MPP7: variants seen among roughly 807,000 people sequenced by gnomAD.
MPP7 encodes the protein MAGUK p55 scaffold protein 7, also known as MAGUK p55 subfamily member 7.
A neutral mutation model predicts 76.5 loss-of-function variants in MPP7; 60 were observed. The observed-to-expected ratio is 0.78, with a 90% CI of 0.64 to 0.97. The LOEUF (loss-of-function observed/expected upper bound fraction) is 0.97. MPP7 is among the 50% of genes least tolerant of loss of function. The probability of loss-of-function intolerance (pLI) is 0.00; values close to 1 mark genes in which losing one functional copy is unlikely to be tolerated. For synonymous variants in MPP7, 237 were observed against 244.5 expected (o/e 0.97, Z 0.29); for missense variants, 641 against 694.0 (o/e 0.92, Z 0.86).
chr10:28,202,066 C>A (rs1588917633), intron 3 of MPP7, 87 bp downstream of exon 3: 1 of 913,112 alleles, frequency 1.1e-6, no homozygotes. Flanking sequence ...CAGAGAGCAA[C>A]AATTTGATCT....
chr10:28,299,443 T>G (rs760114133), intron 1 of MPP7, among the ~76,000 whole-genome samples: 39 of 152,152 alleles, frequency 2.6e-4, no homozygotes, highest in Non-Finnish European at 7.4e-5. Flanking sequence ...CCATATTATA[T>G]AGGTGCAGTT....
intron 12 of MPP7, 110 bp downstream of exon 12, chr10:28,089,561 G>T: frequency 1.0e-6 from 1 of 965,492 alleles, no homozygotes; most frequent in Non-Finnish European, 1.5e-6. Flanking sequence ...AAAAGGTGTT[G>T]AAGGGGAGGA....
rs554846208 is a variant in MPP7 at position 28,246,355 on chromosome 10, C to G, written c.-131-7620G>C. On this transcript the variant is annotated intron_variant, in intron 1 of 16. Transcript: ENST00000683449. The stretch of plus-strand genomic sequence containing the variant: ...GAAGACTACATCTGACAAAACTGTC[C>G]CACAAAATGAAAAATAAATTAATCC... Among the ~76,000 whole-genome samples, 26 of 151,918 alleles carry G rather than the reference C, an allele frequency of 1.7e-4. No homozygotes were observed. The East Asian group carries it at 2.9e-3, about 17-fold the overall frequency.
rs1179739347 is a variant in MPP7 at position 28,131,565 on chromosome 10, G to A, written c.442C>T (p.Pro148Ser). ...KIIRLVKNRE[P>S]LGATIKKDEQ... ...ATCTGAGCACCAAAACTCACCAGTG[G>A]TTCTCTATTTTTGACCAGACGGATT... is the stretch of plus-strand genomic sequence containing the variant. Residue 148 changes from proline to serine, a missense_variant, in exon 6 of 17, where the codon CCA becomes TCA. By Grantham distance (74) the Pro-to-Ser change is moderately conservative (BLOSUM62 -1). Transcript: ENST00000683449. The A allele has an allele frequency of 6.3e-7, 1 of 1,591,480 alleles. No homozygotes were observed. The highest frequency in any genetic ancestry group is 2.3e-5 in the East Asian group (1 of 43,330).
chr10:28,286,662 C>T (rs1384043718), intron 1 of MPP7, among the ~76,000 whole-genome samples: 1 of 152,118 alleles, frequency 6.6e-6, no homozygotes, highest in African/African-American at 2.4e-5. Context: ...TATAATAATG[C>T]AAACAGGTCA....
chr10:28,059,494 T>C, intron 14 of MPP7, 156 bp downstream of exon 14: 1 of 543,260 alleles, frequency 1.8e-6, no homozygotes, highest in Non-Finnish European at 3.2e-6. Flanking sequence ...AGATTAACAA[T>C]AATTACCAAC....
Position 28,058,595 on chromosome 10 carries a change from T to C in MPP7, c.1307A>G (p.Glu436Gly). Residue 436 changes from glutamate (E) to glycine (G), a missense_variant, in exon 15 of 17, where the codon GAA becomes GGA. Transcript: ENST00000683449. ...ETDVQNNKFI[E>G]YGEYKNNYYG... Reference sequence around the variant, plus strand: ...GTAGTTGTTTTTATATTCTCCATATTCAATAAACCTGTAAAAAATTAAATG... The same window carrying C: ...GTAGTTGTTTTTATATTCTCCATATCCAATAAACCTGTAAAAAATTAAATG... 1 of 1,561,758 alleles carries C rather than the reference T, an allele frequency of 6.4e-7. No individual in the cohort carries two copies. The highest frequency in any genetic ancestry group is 1.2e-5 in the South Asian group (1 of 86,300).
At chr10:28,143,544 T>C (rs1209859866) in intron 5 of MPP7, among the ~76,000 whole-genome samples, 18 of 152,212 alleles carry the variant, frequency 1.2e-4, no homozygotes, top group Non-Finnish European at 2.2e-4. Flanking sequence ...CTTTCCTTTA[T>C]GGGTGCATGT....
At chr10:28,277,355 C>G (rs1289579961) in intron 1 of MPP7, among the ~76,000 whole-genome samples, 2 of 148,926 alleles carry the variant, frequency 1.3e-5, no homozygotes, top group African/African-American at 5.0e-5. Flanking sequence ...CTAATGATAG[C>G]TGACGAGCAA....
chr10:28,207,148 G>A (rs1407734507), intron 2 of MPP7, among the ~76,000 whole-genome samples: 3 of 151,848 alleles, frequency 2.0e-5, no homozygotes, highest in Non-Finnish European at 4.4e-5. Flanking sequence ...GAATTTTAAG[G>A]AGGAAAAAAA....
At chr10:28,147,846 T>C (rs116838704) in intron 4 of MPP7, among the ~76,000 whole-genome samples, 6 of 152,128 alleles carry the variant, frequency 3.9e-5, no homozygotes, top group Non-Finnish European at 7.3e-5. Context: ...ACTTCGTCCA[T>C]GTGAATGGTC....
At chr10:28,109,636 C>T (rs916329130) in intron 11 of MPP7, among the ~76,000 whole-genome samples, 2 of 151,704 alleles carry the variant, frequency 1.3e-5, no homozygotes, top group Middle Eastern at 3.2e-3. Context: ...TCAGAGCATG[C>T]GAGTGCAAAT....
chr10:28,233,207 G>A (rs1459983075), intron 2 of MPP7, among the ~76,000 whole-genome samples: 1 of 152,152 alleles, frequency 6.6e-6, no homozygotes, highest in Admixed American at 6.5e-5. Context: ...GGTAGTAGCA[G>A]GTTTTCCACT....
chr10:28,056,808 G>GT (rs752386866), intron 15 of MPP7, among the ~76,000 whole-genome samples, 185 bp from the exon 16 acceptor site: 78 of 152,138 alleles, frequency 5.1e-4, no homozygotes, highest in Non-Finnish European at 9.1e-4. Flanking sequence ...GCTGGGGAAT[G>GT]TAACTTGGCA....
chr10:28,145,098 A>G (rs1324040534), intron 5 of MPP7, among the ~76,000 whole-genome samples: 1 of 152,108 alleles, frequency 6.6e-6, no homozygotes, highest in African/African-American at 2.4e-5. Context: ...TATTTTTAGT[A>G]GAGACGGGGT....
intron 3 of MPP7, among the ~76,000 whole-genome samples, chr10:28,182,553 C>T (rs1837092400): frequency 6.6e-6 from 1 of 152,174 alleles, no homozygotes; most frequent in Non-Finnish European, 1.5e-5. Context: ...GGAATCCACA[C>T]AAAAGTTATC....
intron 1 of MPP7, among the ~76,000 whole-genome samples, chr10:28,262,485 A>G (rs915364956): frequency 3.3e-5 from 5 of 151,742 alleles, no homozygotes; most frequent in Non-Finnish European, 5.9e-5. Flanking sequence ...AGTAACTGCA[A>G]GTCCTTTTAA....
At chr10:28,155,120 T>A (rs567419477) in intron 3 of MPP7, among the ~76,000 whole-genome samples, 8 of 152,292 alleles carry the variant, frequency 5.3e-5, no homozygotes, top group Admixed American at 1.3e-4. Flanking sequence ...ATGAACCGTC[T>A]TAAAACGTGG....
upstream of MPP7, among the ~76,000 whole-genome samples, chr10:28,304,279 T>C (rs977139560): frequency 1.3e-4 from 20 of 152,180 alleles, no homozygotes; most frequent in African/African-American, 3.9e-4. Context: ...TCTAGCTGCC[T>C]TAACATTCTG....
Sources: gnomAD v4.1 joint callset for allele counts (sites outside exome capture counted in the v4.1 genomes callset) on GRCh38, gnomAD v4.1.1 for gene constraint, MANE v1.5 for transcripts, NCBI Gene and HGNC (gene_info 2026-07-23, HGNC 2026-07-21) for gene names.